The following RIT2 variants were observed in gnomAD, a reference collection of about 807,000 sequenced individuals.
RIT2 encodes GTP-binding protein Rit2.
Under a neutral mutation model 23.7 loss-of-function variants are expected in RIT2, and 24 were observed. That is an observed-to-expected ratio of 1.01 (90% confidence interval 0.73 to 1.43). The LOEUF is 1.43. Ranked by LOEUF, RIT2 falls within the 40% of genes most tolerant of loss-of-function variation. RIT2 has a pLI of 0.00. For synonymous variants in RIT2, 107 were observed against 91.1 expected, an observed-to-expected ratio of 1.17 and a Z score of -0.99; for missense variants, 236 against 266.9, an observed-to-expected ratio of 0.88 and a Z score of 0.81.
intron 2 of RIT2, among the ~76,000 whole-genome samples, chr18:42,977,323 A>G (rs986729144): frequency 1.3e-5 from 2 of 152,042 alleles, no homozygotes; most frequent in African/African-American, 2.4e-5. Flanking sequence ...ATAAACTCCT[A>G]GAGTCTGGCT....
At chr18:43,023,163 C>T (rs1911635816) in intron 2 of RIT2, among the ~76,000 whole-genome samples, 1 of 152,036 alleles carries the variant, frequency 6.6e-6, no homozygotes, top group Admixed American at 6.6e-5. Flanking sequence ...AGATCATATG[C>T]TACTCATATC....
chr18:42,997,013 G>A (rs1911000302), intron 2 of RIT2, among the ~76,000 whole-genome samples: 1 of 152,010 alleles, frequency 6.6e-6, no homozygotes, highest in South Asian at 2.1e-4. Context: ...TATAGTCCCT[G>A]TGTCACCTTT....
intron 4 of RIT2, among the ~76,000 whole-genome samples, chr18:42,858,556 A>G (rs1052008698): frequency 1.3e-5 from 2 of 152,246 alleles, no homozygotes; most frequent in African/African-American, 4.8e-5. Flanking sequence ...GAATGTAATT[A>G]ACATACCATA....
intron 3 of RIT2, among the ~76,000 whole-genome samples, chr18:42,926,832 T>C (rs1251623198): frequency 1.3e-5 from 2 of 151,964 alleles, no homozygotes; most frequent in Non-Finnish European, 1.5e-5. Context: ...TATAACTGAA[T>C]GTATGCTCAA....
chr18:42,894,765 T>C (rs1031120619), intron 4 of RIT2, among the ~76,000 whole-genome samples: 1 of 152,236 alleles, frequency 6.6e-6, no homozygotes, highest in South Asian at 2.1e-4. Context: ...TGTAGTATGA[T>C]AGGCAATCAC....
chr18:42,784,261 C>T (rs1164401869), intron 4 of RIT2, among the ~76,000 whole-genome samples: 3 of 129,998 alleles, frequency 2.3e-5, no homozygotes, highest in Non-Finnish European at 4.7e-5. Context: ...GTTCATCTCT[C>T]CCTTGCGCTA....
At chr18:43,079,727 T>C (rs1339302318) in intron 1 of RIT2, among the ~76,000 whole-genome samples, 1 of 152,220 alleles carries the variant, frequency 6.6e-6, no homozygotes, top group East Asian at 1.9e-4. Context: ...ACTGGAGACA[T>C]ACTACATTTG....
At chr18:42,870,964 C>G (rs1222155888) in intron 4 of RIT2, among the ~76,000 whole-genome samples, 1 of 152,130 alleles carries the variant, frequency 6.6e-6, no homozygotes, top group African/African-American at 2.4e-5. Context: ...TTCTCATCAA[C>G]AGAAACAACT....
At chr18:43,082,420 A>C (rs901007812) in intron 1 of RIT2, among the ~76,000 whole-genome samples, 2 of 152,126 alleles carry the variant, frequency 1.3e-5, no homozygotes, top group Admixed American at 1.3e-4. Flanking sequence ...GCAGAGATAC[A>C]ACAACAACAA....
At chr18:42,781,246 C>A (rs943394143) in intron 4 of RIT2, among the ~76,000 whole-genome samples, 5 of 152,026 alleles carry the variant, frequency 3.3e-5, no homozygotes, top group Admixed American at 2.0e-4. Flanking sequence ...TCCTGATATT[C>A]TTTTCAATTT....
intron 4 of RIT2, among the ~76,000 whole-genome samples, chr18:42,749,883 C>A (rs1913006346): frequency 6.6e-6 from 1 of 151,350 alleles, no homozygotes; most frequent in East Asian, 1.9e-4. Flanking sequence ...TAGATGTATG[C>A]AACAAAGACA....
Position 43,014,812 on chromosome 18 carries a change from T to C in RIT2, c.160+18999A>G, listed in dbSNP as rs1911435374. On this transcript the variant is annotated intron_variant, in intron 2 of 4. Coordinates refer to ENST00000326695, the MANE Select transcript of RIT2 (RefSeq NM_002930.4). ...CTATTGAAAAGAAAATTTAACTGAT[T>C]AAATGGAAAAATTCTTATGTAAACT... Among the ~76,000 whole-genome samples, 3 of 151,624 alleles carry C rather than the reference T, an allele frequency of 2.0e-5. 1 individual carries two copies. In the South Asian group the frequency reaches 6.2e-4, roughly 31 times the overall value.
intron 1 of RIT2, among the ~76,000 whole-genome samples, chr18:43,095,007 T>C (rs6507514): frequency 0.23 from 34,766 of 152,110 alleles, 4,201 homozygotes; most frequent in African/African-American, 0.27. Context: ...TTGTGAATTG[T>C]GCTGCAATAA....
chr18:43,103,791 G>A (rs1267324846), intron 1 of RIT2, among the ~76,000 whole-genome samples: 26 of 152,140 alleles, frequency 1.7e-4, no homozygotes, highest in Non-Finnish European at 4.4e-5. Context: ...TGACGGTGTT[G>A]GAATAAAGTA....
At chr18:43,011,383 G>T (rs1420181231) in intron 2 of RIT2, among the ~76,000 whole-genome samples, 1 of 151,788 alleles carries the variant, frequency 6.6e-6, no homozygotes, top group Non-Finnish European at 1.5e-5. Flanking sequence ...ATGTCCTCTG[G>T]CAGCTATATG....
intron 4 of RIT2, among the ~76,000 whole-genome samples, chr18:42,814,169 A>T (rs1905928913): frequency 1.3e-5 from 2 of 152,166 alleles, no homozygotes; most frequent in Non-Finnish European, 1.5e-5. Context: ...GGAAAAGGAA[A>T]TCTCCAGCTG....
intron 4 of RIT2, among the ~76,000 whole-genome samples, chr18:42,811,731 G>A (rs938354624): frequency 6.6e-6 from 1 of 151,970 alleles, no homozygotes; most frequent in Non-Finnish European, 1.5e-5. Flanking sequence ...CGGAATGGAA[G>A]GATTCGTTTG....
intron 1 of RIT2, among the ~76,000 whole-genome samples, chr18:43,083,460 C>T (rs566232700): frequency 4.1e-4 from 62 of 152,202 alleles, no homozygotes; most frequent in Non-Finnish European, 5.9e-4. Context: ...GGAAACATCA[C>T]GCTACCTGAC....
At chr18:42,842,493 G>A (rs1419855268) in intron 4 of RIT2, among the ~76,000 whole-genome samples, 2 of 152,018 alleles carry the variant, frequency 1.3e-5, no homozygotes, top group Non-Finnish European at 2.9e-5. Flanking sequence ...GTGTATTAAT[G>A]TAAATATACA....
Sources: gnomAD v4.1 joint callset for allele counts (sites outside exome capture counted in the v4.1 genomes callset) on GRCh38, gnomAD v4.1.1 for gene constraint, MANE v1.5 for transcripts, NCBI Gene and HGNC (gene_info 2026-07-23, HGNC 2026-07-21) for gene names.